The following LRFN5 variants were observed in gnomAD, a reference collection of about 807,000 sequenced individuals.
LRFN5 encodes leucine rich repeat and fibronectin type III domain containing 5.
LRFN5 carries 24 observed loss-of-function variants against 45.6 expected under a neutral mutation model. That is an observed-to-expected ratio of 0.53 (90% CI 0.38 to 0.74). The LOEUF (loss-of-function observed/expected upper bound fraction) is 0.74, where lower values mean the gene tolerates loss of function less well. LRFN5 is among the 30% of genes least tolerant of loss of function. LRFN5 has a pLI of 0.00. For synonymous variants in LRFN5, 340 were observed against 313.8 expected (o/e 1.08, Z -0.88); for missense variants, 776 against 861.5 (o/e 0.90, Z 1.24).
intron 2 of LRFN5, among the ~76,000 whole-genome samples, chr14:41,880,130 T>C (rs1031163264): frequency 2.0e-5 from 3 of 151,848 alleles, no homozygotes; most frequent in Admixed American, 6.6e-5. Context: ...GGTTTCACCG[T>C]ATTAGCCAGG....
intron 1 of LRFN5, among the ~76,000 whole-genome samples, chr14:41,719,526 G>A (rs1201910730): frequency 1.3e-5 from 2 of 151,908 alleles, no homozygotes; most frequent in African/African-American, 2.4e-5. Flanking sequence ...TCTTACTACT[G>A]TTTTTACTAT....
chr14:41,647,242 C>T (rs1879861640), intron 1 of LRFN5, among the ~76,000 whole-genome samples: 1 of 152,090 alleles, frequency 6.6e-6, no homozygotes, highest in Non-Finnish European at 1.5e-5. Flanking sequence ...CACCAATCAC[C>T]ATACCACAGA....
intron 4 of LRFN5, among the ~76,000 whole-genome samples, chr14:41,896,538 G>C (rs376499033): frequency 1.1e-3 from 161 of 152,172 alleles, no homozygotes; most frequent in African/African-American, 3.5e-3. Flanking sequence ...ACCTTACAAT[G>C]TTAGTGATAT....
intron 1 of LRFN5, among the ~76,000 whole-genome samples, chr14:41,673,245 G>C (rs1017965390): frequency 2.0e-5 from 3 of 151,956 alleles, no homozygotes; most frequent in African/African-American, 4.8e-5. Flanking sequence ...CCTCCCAGAC[G>C]GGGTGGTGGC....
intron 2 of LRFN5, among the ~76,000 whole-genome samples, chr14:41,807,113 A>C (rs1887551884): frequency 1.3e-5 from 2 of 152,176 alleles, no homozygotes. Context: ...TAAAGAAATA[A>C]GATACATTCT....
intron 2 of LRFN5, among the ~76,000 whole-genome samples, chr14:41,854,875 G>A (rs1021069191): frequency 3.3e-5 from 5 of 152,118 alleles, no homozygotes; most frequent in Non-Finnish European, 7.4e-5. Context: ...ATCTCTGATC[G>A]ATAAAACAAA....
chr14:41,730,734 A>G (rs1884137033), intron 1 of LRFN5, among the ~76,000 whole-genome samples: 1 of 151,386 alleles, frequency 6.6e-6, no homozygotes. Context: ...GCCATTATAC[A>G]TATGTCTAAT....
At chr14:41,678,915 G>T (rs1881759555) in intron 1 of LRFN5, among the ~76,000 whole-genome samples, 1 of 152,166 alleles carries the variant, frequency 6.6e-6, no homozygotes, top group Non-Finnish European at 1.5e-5. Flanking sequence ...CAGTCTCACG[G>T]CACAGAGAAA....
intron 1 of LRFN5, among the ~76,000 whole-genome samples, chr14:41,710,159 CAAT>C: frequency 6.6e-6 from 1 of 152,082 alleles, no homozygotes; most frequent in Admixed American, 6.5e-5. Context: ...ACTTTTAAAG[CAAT>C]AATATGAATG....
chr14:41,726,283 C>T (rs988555855), intron 1 of LRFN5, among the ~76,000 whole-genome samples: 1 of 152,090 alleles, frequency 6.6e-6, no homozygotes, highest in African/African-American at 2.4e-5. Flanking sequence ...TTCATCATTG[C>T]TTGCCTTTCC....
chr14:41,867,659 A>C (rs1280709855), intron 2 of LRFN5, among the ~76,000 whole-genome samples: 1 of 151,976 alleles, frequency 6.6e-6, no homozygotes, highest in Non-Finnish European at 1.5e-5. Flanking sequence ...TCCATATTAC[A>C]TTCTCCTTAT....
chr14:41,656,828 A>G (rs1880402653), intron 1 of LRFN5, among the ~76,000 whole-genome samples: 1 of 151,898 alleles, frequency 6.6e-6, no homozygotes. Flanking sequence ...CAATTATTAT[A>G]TCCATATTGA....
chr14:41,621,576 G>T (rs1364032052), intron 1 of LRFN5, among the ~76,000 whole-genome samples: 1 of 152,124 alleles, frequency 6.6e-6, no homozygotes, highest in Non-Finnish European at 1.5e-5. Context: ...GAGCTTGTTG[G>T]AGTTCAGGTT....
intron 1 of LRFN5, among the ~76,000 whole-genome samples, chr14:41,741,789 C>T (rs1052809405): frequency 5.4e-5 from 8 of 149,308 alleles, no homozygotes; most frequent in Non-Finnish European, 8.9e-5. Flanking sequence ...TATTTTTAAA[C>T]CATACATATG....
chr14:41,770,999 G>A (rs114402106), intron 2 of LRFN5, among the ~76,000 whole-genome samples: 97 of 151,992 alleles, frequency 6.4e-4, no homozygotes, highest in African/African-American at 2.3e-3. Context: ...CTTCACGCTT[G>A]CAGATTTAAC....
chr14:41,886,681 T>G lies in LRFN5; in HGVS notation c.56T>G (p.Ile19Ser). 9.9e-6 allele frequency: 16 copies of G among 1,612,112 alleles called. No homozygotes were observed. Among genetic ancestry groups the G allele is most frequent in the Non-Finnish European group, 1.4e-5 (16 of 1,179,518 alleles). Reference protein sequence around the residue: ...FLIGIAVKAQICPKRCVCQIL... With the variant: ...FLIGIAVKAQSCPKRCVCQIL... ...ATTGGCATAGCAGTGAAAGCTCAGA[T>G]CTGTCCAAAGCGTTGTGTCTGTCAG... is the stretch of plus-strand genomic sequence containing the variant. The change falls in exon 3 of 6, where the codon ATC becomes AGC. Residue 19 changes from isoleucine to serine, a missense_variant. This residue lies in a region of LRFN5 where 311 missense variants were observed against 405.1 expected (regional missense o/e 0.77). Coordinates refer to ENST00000298119, the MANE Select transcript of LRFN5 (RefSeq NM_152447.5).
intron 1 of LRFN5, among the ~76,000 whole-genome samples, chr14:41,679,784 T>C (rs1392699104): frequency 6.6e-6 from 1 of 152,022 alleles, no homozygotes. Flanking sequence ...TCGGCACCAA[T>C]GGAGTAGAGA....
At chr14:41,721,211 C>T (rs1555357747) in intron 1 of LRFN5, among the ~76,000 whole-genome samples, 2 of 151,348 alleles carry the variant, frequency 1.3e-5, no homozygotes, top group East Asian at 3.9e-4. Flanking sequence ...CCTTTTTTTT[C>T]CATTTGAGTG....
intron 1 of LRFN5, among the ~76,000 whole-genome samples, chr14:41,737,508 C>T (rs1443538365): frequency 2.6e-5 from 4 of 151,956 alleles, no homozygotes; most frequent in African/African-American, 4.8e-5. Flanking sequence ...GCAGGGCAGT[C>T]GGGCAAGAGA....
Sources: gnomAD v4.1 joint callset for allele counts (sites outside exome capture counted in the v4.1 genomes callset) on GRCh38, gnomAD v4.1.1 for gene constraint, gnomAD v4.1.1 regional missense constraint, MANE v1.5 for transcripts, NCBI Gene and HGNC (gene_info 2026-07-23, HGNC 2026-07-21) for gene names.